Variants in CYREN observed in about 807,000 individuals in gnomAD.
CYREN encodes cell cycle regulator of NHEJ.
A neutral mutation model predicts 9.7 loss-of-function variants in CYREN; 7 were observed. That is an observed-to-expected ratio of 0.72 (90% confidence interval 0.41 to 1.36). The LOEUF (loss-of-function observed/expected upper bound fraction) is 1.36. Ranked by LOEUF, CYREN falls within the 40% of genes most tolerant of loss-of-function variation. The probability of loss-of-function intolerance (pLI) is 0.01; values close to 1 mark genes in which losing one functional copy is unlikely to be tolerated. For missense variants in CYREN, 215 were observed against 198.1 expected, an observed-to-expected ratio of 1.09 and a Z score of -0.51; for synonymous variants, 76 against 77.9, an observed-to-expected ratio of 0.98 and a Z score of 0.13.
chr7:135,104,767 G>A (rs1163566844), intron 2 of CYREN, among the ~76,000 whole-genome samples: 1 of 149,990 alleles, frequency 6.7e-6, no homozygotes, highest in Non-Finnish European at 1.5e-5. Flanking sequence ...CTTTTTAATG[G>A]GGCTGTTTGG....
intron 2 of CYREN, among the ~76,000 whole-genome samples, chr7:135,117,084 T>C (rs1019058981): frequency 6.6e-6 from 1 of 152,234 alleles, no homozygotes; most frequent in Non-Finnish European, 1.5e-5. Flanking sequence ...CCAGGATTTG[T>C]AGTTATTTTT....
At chr7:135,138,033 G>GA (rs35525608) in intron 2 of CYREN, among the ~76,000 whole-genome samples, 66,712 of 151,742 alleles carry the variant, frequency 0.44, 15,347 homozygotes, top group East Asian at 0.78. Flanking sequence ...AAATTTGGGG[G>GA]ATGCAACATC....
At chr7:135,134,490 T>C (rs1012153263) in intron 2 of CYREN, among the ~76,000 whole-genome samples, 3 of 152,110 alleles carry the variant, frequency 2.0e-5, no homozygotes, top group African/African-American at 7.2e-5. Context: ...ATAAACAGAA[T>C]AGATTTTTAG....
At chr7:135,152,621 T>C (rs1225192440) in intron 2 of CYREN, among the ~76,000 whole-genome samples, 1 of 152,232 alleles carries the variant, frequency 6.6e-6, no homozygotes, top group Non-Finnish European at 1.5e-5. Flanking sequence ...GGTCTGTTTT[T>C]AATTATTAAT....
At chr7:135,100,198 A>C (rs1823611944) in intron 2 of CYREN, 3 of 152,098 alleles carry the variant, frequency 2.0e-5, no homozygotes, top group Admixed American at 2.0e-4. Flanking sequence ...CTCTTTAAAA[A>C]AAAAAAAAAC....
chr7:135,100,115 C>T (rs28683013), intron 2 of CYREN: 72,919 of 149,826 alleles, frequency 0.49, 18,176 homozygotes, highest in South Asian at 0.66. Flanking sequence ...CTCGATCTCC[C>T]GACCTCGTGA....
chr7:135,101,229 G>A (rs898834271), intron 2 of CYREN: 4 of 456,148 alleles, frequency 8.8e-6, no homozygotes, highest in South Asian at 4.6e-5. Context: ...GTCTCCTATG[G>A]GCAAACAAAC....
intron 2 of CYREN, chr7:135,168,291 A>ACCACCCCCCCCC (rs1554392990): frequency 3.1e-4 from 2 of 6,364 alleles, no homozygotes; most frequent in Non-Finnish European, 6.9e-4. Flanking sequence ...GAGACTCACC[A>ACCACCCCCCCCC]CCCCCCCCCC....
chr7:135,167,658 TG>T, intron 3 of CYREN, 73 bp downstream of exon 3: 2 of 1,592,006 alleles, frequency 1.3e-6, no homozygotes, highest in Non-Finnish European at 1.7e-6. Flanking sequence ...TCTCTCTTAC[TG>T]ACGGTGACCA....
intron 2 of CYREN, among the ~76,000 whole-genome samples, chr7:135,122,326 G>A (rs1389337838): frequency 6.6e-6 from 1 of 152,152 alleles, no homozygotes; most frequent in African/African-American, 2.4e-5. Flanking sequence ...TCATTGGGTG[G>A]GGCTTTCCTG....
rs546553129 is a variant in CYREN, at chr7:135,151,553, C to G, written n.356+17196G>C. 6.6e-6 allele frequency among the ~76,000 whole-genome samples: 1 copy of G among 152,200 alleles called. No individual in the cohort carries two copies. The highest frequency in any genetic ancestry group is 1.5e-5 in the Non-Finnish European group (1 of 68,038). On this transcript the variant is annotated intron_variant and non_coding_transcript_variant, in intron 2 of 2. Transcript: ENST00000459937. The surrounding 1 kb of genome is among the most constrained non-coding windows in gnomAD (Gnocchi z 4.3). ...CTCCTCTCTCCATTCAGGCGACACA[C>G]CCAACCATGTCTACCTGACTCTCCG...
At chr7:135,139,707 T>G (rs1234874705) in intron 2 of CYREN, among the ~76,000 whole-genome samples, 4 of 151,986 alleles carry the variant, frequency 2.6e-5, no homozygotes, top group African/African-American at 9.7e-5. Flanking sequence ...AGTTTTAGGT[T>G]TTACATTTAA....
At chr7:135,112,020 A>G (rs1405875903) in intron 2 of CYREN, among the ~76,000 whole-genome samples, 1 of 152,040 alleles carries the variant, frequency 6.6e-6, no homozygotes, top group Non-Finnish European at 1.5e-5. Flanking sequence ...TACTGCCATC[A>G]TCCAGTTATC....
chr7:135,102,782 G>A lies in CYREN; in HGVS notation n.357-8200C>T, dbSNP rs147582881. On this transcript the variant is annotated intron_variant and non_coding_transcript_variant, in intron 2 of 2. Coordinates refer to the CYREN transcript ENST00000459937. ...AGCAAAAAAAAATTAACTCAAAATG[G>A]ATCATAGATCTAAATATCTAAGCTA... Among the ~76,000 whole-genome samples, 199 of 151,970 alleles carry A rather than the reference G, an allele frequency of 1.3e-3. 3 individuals carry two copies. Among genetic ancestry groups the A allele is most frequent in the African/African-American group, 4.7e-3 (197 of 41,494 alleles).
intron 2 of CYREN, among the ~76,000 whole-genome samples, chr7:135,097,325 A>G (rs1823056492): frequency 6.6e-6 from 1 of 152,186 alleles, no homozygotes; most frequent in Admixed American, 6.5e-5. Context: ...ACACTGAATC[A>G]TGGCAACAAA....
chr7:135,133,071 A>G (rs1222663296), intron 2 of CYREN, among the ~76,000 whole-genome samples: 4 of 37,476 alleles, frequency 1.1e-4, no homozygotes, highest in Non-Finnish European at 2.8e-4. Flanking sequence ...ATGCGTGCAC[A>G]CACACACACA....
intron 2 of CYREN, among the ~76,000 whole-genome samples, chr7:135,096,175 C>T (rs1334690984): frequency 6.6e-6 from 1 of 151,956 alleles, no homozygotes; most frequent in East Asian, 1.9e-4. Context: ...TAATCTTTGA[C>T]TTTACCTGTG....
At chr7:135,161,344 T>G (rs948578528), downstream of CYREN, among the ~76,000 whole-genome samples, 1 of 152,232 alleles carries the variant, frequency 6.6e-6, no homozygotes, top group Non-Finnish European at 1.5e-5. This position sits in a 1 kb window ranked among gnomAD's most constrained non-coding sequence, Gnocchi z 4.1. Flanking sequence ...ATAATTTTTT[T>G]TGGAACCCCA....
chr7:135,139,648 G>A (rs935882677), intron 2 of CYREN, among the ~76,000 whole-genome samples: 1 of 151,428 alleles, frequency 6.6e-6, no homozygotes, highest in African/African-American at 2.4e-5. Context: ...TATTTGCCAG[G>A]GCCTATGTCC....
Sources: gnomAD v4.1 joint callset for allele counts (sites outside exome capture counted in the v4.1 genomes callset) on GRCh38, gnomAD v4.1.1 for gene constraint, Gnocchi (gnomAD v3.1) non-coding constraint, MANE v1.5 for transcripts, NCBI Gene and HGNC (gene_info 2026-07-23, HGNC 2026-07-21) for gene names.